Variants in OPCML observed in about 807,000 individuals in gnomAD.
OPCML encodes opioid-binding protein/cell adhesion molecule.
A neutral mutation model predicts 37.8 loss-of-function variants in OPCML; 13 were observed. The observed-to-expected ratio is 0.34, with a 90% CI of 0.22 to 0.55. The LOEUF is 0.55. Among genes scored for constraint, OPCML ranks in the 20% least tolerant of loss-of-function variants. The pLI, the probability that OPCML is intolerant of heterozygous loss-of-function variation, is 0.91. For missense variants in OPCML, 341 were observed against 435.6 expected, an observed-to-expected ratio of 0.78 and a Z score of 1.93; for synonymous variants, 176 against 168.8, an observed-to-expected ratio of 1.04 and a Z score of -0.33.
intron 2 of OPCML, among the ~76,000 whole-genome samples, chr11:132,729,112 G>C (rs571332343): frequency 6.6e-6 from 1 of 152,180 alleles, no homozygotes; most frequent in East Asian, 1.9e-4. Flanking sequence ...TGCCACCGAT[G>C]GAAGAGAGAA....
At chr11:132,550,240 G>C (rs914360475) in intron 3 of OPCML, among the ~76,000 whole-genome samples, 1 of 152,164 alleles carries the variant, frequency 6.6e-6, no homozygotes, top group African/African-American at 2.4e-5. Context: ...GTATATATTT[G>C]TCCCTGCCCA....
intron 1 of OPCML, among the ~76,000 whole-genome samples, chr11:133,444,141 AG>A (rs1321579241): frequency 6.6e-6 from 1 of 152,072 alleles, no homozygotes; most frequent in Non-Finnish European, 1.5e-5. Context: ...CTCAAGTAGA[AG>A]CAGCAGCGAG....
intron 1 of OPCML, among the ~76,000 whole-genome samples, chr11:132,944,165 C>A (rs951981423): frequency 1.1e-3 from 164 of 152,050 alleles, no homozygotes; most frequent in Admixed American, 5.7e-3. Context: ...GCGCCCCTCG[C>A]AGCGGCTTCC....
At chr11:132,512,189 T>G (rs770868116) in intron 4 of OPCML, among the ~76,000 whole-genome samples, 1 of 152,020 alleles carries the variant, frequency 6.6e-6, no homozygotes, top group South Asian at 2.1e-4. Context: ...GTTATTAGAA[T>G]AGATAATATT....
chr11:133,529,963 G>C (rs1171793289), intron 1 of OPCML, among the ~76,000 whole-genome samples: 1 of 152,070 alleles, frequency 6.6e-6, no homozygotes, highest in Non-Finnish European at 1.5e-5. Context: ...TCTCCTCCCC[G>C]TTCTTGTTCT....
At chr11:133,122,235 G>T (rs549961318) in intron 1 of OPCML, among the ~76,000 whole-genome samples, 1 of 152,282 alleles carries the variant, frequency 6.6e-6, no homozygotes, top group East Asian at 1.9e-4. Flanking sequence ...CGGAGCTTGG[G>T]ATTCTTGAAT....
chr11:133,107,809 T>C (rs762719326), intron 1 of OPCML, among the ~76,000 whole-genome samples: 7 of 152,246 alleles, frequency 4.6e-5, no homozygotes, highest in Non-Finnish European at 1.0e-4. Flanking sequence ...ACAAATGTTC[T>C]GTAACAACTC....
chr11:132,992,560 C>T (rs1408003189), intron 1 of OPCML, among the ~76,000 whole-genome samples: 1 of 152,008 alleles, frequency 6.6e-6, no homozygotes, highest in Non-Finnish European at 1.5e-5. Flanking sequence ...GAATTCCTTG[C>T]CATCATGGAG....
intron 1 of OPCML, among the ~76,000 whole-genome samples, chr11:133,337,120 G>T (rs1265180478): frequency 6.6e-6 from 1 of 152,190 alleles, no homozygotes; most frequent in Non-Finnish European, 1.5e-5. Flanking sequence ...AGTAAAAATA[G>T]TTGGGGTAAG....
At chr11:132,657,347 G>A (rs769991916) in intron 2 of OPCML, 28 bp from the exon 3 acceptor site, 2 of 1,611,380 alleles carry the variant, frequency 1.2e-6, no homozygotes, top group African/African-American at 1.3e-5. Context: ...GTGGTGGAGG[G>A]AGGAAGAAGG....
chr11:133,300,204 C>G (rs948788241), intron 1 of OPCML: 1 of 152,070 alleles, frequency 6.6e-6, no homozygotes, highest in Admixed American at 6.6e-5. Flanking sequence ...GATTAACTGA[C>G]TGAAAGATTA....
Position 133,232,574 on chromosome 11 carries a change from A to G in OPCML, c.62-289564T>C, listed in dbSNP as rs886447031. Among the ~76,000 whole-genome samples the G allele has an allele frequency of 5.3e-5, 8 of 151,216 alleles. No homozygotes were observed. In the East Asian group the frequency reaches 1.2e-3, roughly 22 times the overall value. ...GGTGTGAATCTCATGTGAAATTAAA[A>G]GAAAAAAAAAACCACCTCACTCTTC... On this transcript the variant is annotated intron_variant, in intron 1 of 7. Transcript: ENST00000524381.
chr11:133,377,404 T>C (rs1167094601), intron 1 of OPCML, among the ~76,000 whole-genome samples: 1 of 151,936 alleles, frequency 6.6e-6, no homozygotes, highest in Non-Finnish European at 1.5e-5. Flanking sequence ...GCCAGTCTGC[T>C]GTCGGTTGAG....
intron 1 of OPCML, among the ~76,000 whole-genome samples, chr11:132,996,931 G>T (rs192085729): frequency 6.6e-6 from 1 of 152,314 alleles, no homozygotes; most frequent in East Asian, 1.9e-4. Flanking sequence ...GTCCTAAGGG[G>T]CCGTCTCCTA....
intron 2 of OPCML, among the ~76,000 whole-genome samples, chr11:132,838,468 A>G (rs959254107): frequency 3.3e-5 from 5 of 152,216 alleles, no homozygotes; most frequent in African/African-American, 1.2e-4. Flanking sequence ...GATCCTGCCT[A>G]CAAGTAATTC....
chr11:132,697,331 T>C (rs536891280), intron 2 of OPCML, among the ~76,000 whole-genome samples: 3 of 152,314 alleles, frequency 2.0e-5, no homozygotes, highest in Non-Finnish European at 2.9e-5. Flanking sequence ...AAGTATGCGA[T>C]ACACTATTAT....
At chr11:133,140,577 A>AAGAAGAAG (rs748209202) in intron 1 of OPCML, among the ~76,000 whole-genome samples, 5 of 85,020 alleles carry the variant, frequency 5.9e-5, no homozygotes, top group South Asian at 3.9e-4. Flanking sequence ...GAAGAAGAAG[A>AAGAAGAAG]AAGAAGAAAA....
intron 4 of OPCML, among the ~76,000 whole-genome samples, chr11:132,483,892 C>T (rs1263560208): frequency 1.3e-5 from 2 of 151,880 alleles, no homozygotes; most frequent in East Asian, 3.9e-4. Context: ...GGATCCCTTC[C>T]TTACACCTTA....
At chr11:132,647,111 A>T (rs1941190085) in intron 3 of OPCML, among the ~76,000 whole-genome samples, 1 of 152,184 alleles carries the variant, frequency 6.6e-6, no homozygotes, top group South Asian at 2.1e-4. Context: ...TTTAAAAGCT[A>T]TGGAATTGAA....
Sources: gnomAD v4.1 joint callset for allele counts (sites outside exome capture counted in the v4.1 genomes callset) on GRCh38, gnomAD v4.1.1 for gene constraint, MANE v1.5 for transcripts, NCBI Gene and HGNC (gene_info 2026-07-23, HGNC 2026-07-21) for gene names.